Variants in COL20A1 observed in about 807,000 individuals in gnomAD.
COL20A1 encodes collagen type XX alpha 1 chain, also known as collagen alpha-1(XX) chain.
COL20A1 carries 164 observed loss-of-function variants against 152.9 expected under a neutral mutation model. The observed-to-expected ratio is 1.07, with a 90% CI of 0.94 to 1.22. COL20A1 has a LOEUF of 1.22. Ranked by LOEUF, COL20A1 falls within the 50% of genes most tolerant of loss-of-function variation. The probability of loss-of-function intolerance (pLI) is 0.00; values close to 1 mark genes in which losing one functional copy is unlikely to be tolerated. For synonymous variants in COL20A1, 864 were observed against 756.0 expected, an observed-to-expected ratio of 1.14 and a Z score of -2.34; for missense variants, 1,873 against 1,744.8, an observed-to-expected ratio of 1.07 and a Z score of -1.31.
At chr20:63,317,465 T>TAAAAA (rs78678381) in intron 21 of COL20A1, among the ~76,000 whole-genome samples, 2 of 114,576 alleles carry the variant, frequency 1.7e-5, no homozygotes, top group African/African-American at 3.3e-5. Context: ...CTCCGTCCCT[T>TAAAAA]AAAAAAAAAA....
Position 63,331,724 on chromosome 20 carries a change from C to T in COL20A1, c.*1008C>T, listed in dbSNP as rs1403060470. On this transcript the variant is annotated 3_prime_UTR_variant, in exon 36 of 36. Coordinates refer to ENST00000358894, the MANE Select transcript of COL20A1 (RefSeq NM_020882.4). Reference sequence around the variant, plus strand: ...AACTAGTCCACTGTTACCACTTAGGCAGCTAAGCAAGAAAGGTGCCAGAAA... The same window carrying T: ...AACTAGTCCACTGTTACCACTTAGGTAGCTAAGCAAGAAAGGTGCCAGAAA... The T allele has an allele frequency of 6.6e-6, 1 of 152,184 alleles. No homozygotes were observed. Among genetic ancestry groups the T allele is most frequent in the African/African-American group, 2.4e-5 (1 of 41,418 alleles). 9.4% of individuals were successfully genotyped at this position (152,184 alleles called of 1,614,324 possible).
intron 9 of COL20A1, 96 bp from the exon 10 acceptor site, chr20:63,309,662 G>A: frequency 7.6e-7 from 1 of 1,315,922 alleles, no homozygotes; most frequent in Non-Finnish European, 1.0e-6. Flanking sequence ...CTGGGGAGCA[G>A]CTTTCCTGTC....
intron 27 of COL20A1, among the ~76,000 whole-genome samples, chr20:63,323,613 C>T (rs2068201197): frequency 1.3e-5 from 2 of 152,206 alleles, no homozygotes; most frequent in Non-Finnish European, 2.9e-5. Flanking sequence ...CATTACACAG[C>T]CAGCCCCTTG....
At chr20:63,326,950 T>C in intron 31 of COL20A1, 127 bp downstream of exon 31, 1 of 595,514 alleles carries the variant, frequency 1.7e-6, no homozygotes, top group Non-Finnish European at 2.8e-6. Flanking sequence ...ACCTAGGGAC[T>C]TCCTGTTGAC....
In COL20A1 at chr20:63,309,749, C is replaced by A; in HGVS notation, c.1106-9C>A. 3 of 1,559,630 alleles carry A rather than the reference C, an allele frequency of 1.9e-6. No individual in the cohort carries two copies. The highest frequency in any genetic ancestry group is 1.9e-5 in the Admixed American group (1 of 52,898). On this transcript the variant is annotated splice_polypyrimidine_tract_variant and intron_variant, in intron 9 of 35. Coordinates refer to ENST00000358894, the MANE Select transcript of COL20A1 (RefSeq NM_020882.4). ...GACCACCTGCCCCCCACTCCCGCTA[C>A]TCCAGCAGCAGCGGCTCCAGCCCTG...
At chr20:63,327,724 GC>G (rs2068272534) in intron 31 of COL20A1, 1 of 587,124 alleles carries the variant, frequency 1.7e-6, no homozygotes, top group South Asian at 2.0e-5. Flanking sequence ...ACAAGTTCCA[GC>G]CCCACTCAGG....
rs2068129166 is a variant in COL20A1, at chr20:63,319,486, G to A, written c.2807-1G>A. ...CACCTGCTCCACCCCTTCCCTGGCA[G>A]CCGGGAAGAAGTCCCTGACCTACTT... On this transcript the variant is annotated splice_acceptor_variant, in intron 22 of 35. Coordinates refer to ENST00000358894, the MANE Select transcript of COL20A1 (RefSeq NM_020882.4). LOFTEE classifies it high-confidence loss of function. The surrounding 1 kb of genome is among the most constrained non-coding windows in gnomAD (Gnocchi z 4.4). 5.1e-6 allele frequency: 8 copies of A among 1,566,542 alleles called. No homozygotes were observed. The highest frequency in any genetic ancestry group is 1.4e-5 in the African/African-American group (1 of 73,496).
rs759747884 is a variant in COL20A1, at chr20:63,307,512, GC to G, written c.525del (p.Val176CysfsTer43). ...TPAGPQFRCL[P>X]PVPADMVFLV... is the part of the protein sequence containing the mutation. ...CAGCCGGCCCCCAGTTCCGCTGCCT[GC>G]CCCCCGTGCCTGCTGACATGGTCTT... On this transcript the variant is annotated frameshift_variant, in exon 6 of 36. Coordinates refer to ENST00000358894, the MANE Select transcript of COL20A1 (RefSeq NM_020882.4). LOFTEE classifies it high-confidence loss of function. 2 of 1,612,100 alleles carry G rather than the reference GC, an allele frequency of 1.2e-6. No homozygotes were observed. Among genetic ancestry groups the G allele is most frequent in the East Asian group, 2.2e-5 (1 of 44,878 alleles).
chr20:63,315,135 A>G (rs1438779165), intron 19 of COL20A1, among the ~76,000 whole-genome samples: 1 of 152,224 alleles, frequency 6.6e-6, no homozygotes, highest in Non-Finnish European at 1.5e-5. Flanking sequence ...GATGCCTGGT[A>G]CGACCCGGGG....
Position 63,306,173 on chromosome 20 carries a change from C to T in COL20A1, c.496+134C>T, listed in dbSNP as rs2067923608. On this transcript the variant is annotated intron_variant, in intron 5 of 35. Coordinates refer to ENST00000358894, the MANE Select transcript of COL20A1 (RefSeq NM_020882.4). This position sits in a 1 kb window ranked among gnomAD's most constrained non-coding sequence, Gnocchi z 6.9. ...TCTCTGACCACGAGGCCAGGAAGTT[C>T]TTCCTCGTGTCTGACCACACGGTCT... 2 of 733,148 alleles carry T rather than the reference C, an allele frequency of 2.7e-6. No individual in the cohort carries two copies. The highest frequency in any genetic ancestry group is 4.3e-6 in the Non-Finnish European group (2 of 459,964). The allele number at this position is 733,148 out of a possible 1,614,324, so 45.4% of individuals were successfully genotyped here. A position where few individuals can be genotyped will look rare whatever the true frequency, so the allele number is the denominator to read the frequency against.
chr20:63,316,489 C>G, intron 20 of COL20A1, 64 bp from the exon 21 acceptor site: 1 of 1,471,184 alleles, frequency 6.8e-7, no homozygotes, highest in South Asian at 1.3e-5. Context: ...GCTCCTGCCC[C>G]TTCCTCCCTC....
rs776788181 is a variant in COL20A1, at chr20:63,309,792, C to T, written c.1140C>T (p.Pro380=). 6.2e-7 allele frequency: 1 copy of T among 1,603,404 alleles called. No homozygotes were observed. Among genetic ancestry groups the T allele is most frequent in the Admixed American group, 1.7e-5 (1 of 59,076 alleles). Residue 380 remains proline, a synonymous_variant, in exon 10 of 36, where the codon CCC becomes CCT. Coordinates refer to ENST00000358894, the MANE Select transcript of COL20A1 (RefSeq NM_020882.4). ...CAGCCCTGGACACCCTCCCTGCCCC[C>T]ACCAGCCTGGTCCTGAGCCAGGTGA... The part of the protein sequence containing the change: ...AAPALDTLPA[P]TSLVLSQVTS...
At chr20:63,325,980 C>T (rs2068241049) in intron 29 of COL20A1, 116 bp from the exon 30 acceptor site, 1 of 961,348 alleles carries the variant, frequency 1.0e-6, no homozygotes. Flanking sequence ...CCTCAGCTGC[C>T]TCACCTTTGC....
rs375626190 is a variant in COL20A1, at chr20:63,306,053, G to T, written c.496+14G>T. Reference sequence around the variant, plus strand: ...CGCGCACTCCTGGTGGGTCAGAGTGGAGAGAGAGTAAGTCTCCGGGGAGGG... The same window carrying T: ...CGCGCACTCCTGGTGGGTCAGAGTGTAGAGAGAGTAAGTCTCCGGGGAGGG... On this transcript the variant is annotated intron_variant, in intron 5 of 35. Transcript: ENST00000358894. The surrounding 1 kb of genome is among the most constrained non-coding windows in gnomAD (Gnocchi z 6.9). 6.3e-7 allele frequency: 1 copy of T among 1,585,358 alleles called. No homozygotes were observed. Among genetic ancestry groups the T allele is most frequent in the Non-Finnish European group, 8.6e-7 (1 of 1,168,098 alleles).
intron 31 of COL20A1, chr20:63,327,327 G>T: frequency 5.8e-6 from 1 of 172,168 alleles, no homozygotes; most frequent in Non-Finnish European, 1.2e-5. Flanking sequence ...TTCTGAGCTG[G>T]GAGCTTGGTG....
chr20:63,315,393 C>T lies in COL20A1; in HGVS notation c.2489-11C>T, dbSNP rs1226750066. The T allele has an allele frequency of 6.4e-7, 1 of 1,573,240 alleles. No individual in the cohort carries two copies. Among genetic ancestry groups the T allele is most frequent in the Non-Finnish European group, 8.6e-7 (1 of 1,163,748 alleles). On this transcript the variant is annotated splice_polypyrimidine_tract_variant and intron_variant, in intron 19 of 35. Transcript: ENST00000358894. Reference sequence around the variant, plus strand: ...GCTCCCACTCACACTGACCCTGTCTCCTCTCAGCAGCCTGCCCAGCCCTCC... The same window carrying T: ...GCTCCCACTCACACTGACCCTGTCTTCTCTCAGCAGCCTGCCCAGCCCTCC...
Position 63,319,163 on chromosome 20 carries a change from C to T in COL20A1, c.2769C>T (p.Ala923=), listed in dbSNP as rs1157333607. 6.2e-6 allele frequency: 10 copies of T among 1,612,784 alleles called. No individual in the cohort carries two copies. The highest frequency in any genetic ancestry group is 1.6e-4 in the Middle Eastern group (1 of 6,080). Residue 923 remains alanine (A), a synonymous_variant, in exon 22 of 36, where the codon GCC becomes GCT. Coordinates refer to ENST00000358894, the MANE Select transcript of COL20A1 (RefSeq NM_020882.4). This position sits in a 1 kb window ranked among gnomAD's most constrained non-coding sequence, Gnocchi z 4.4. ...REAFALWQMT[A]EDFQPLLGVL... ...CCTTCGCGCTGTGGCAGATGACAGCCGAGGACTTCCAGCCCCTCCTTGGGG... is the reference window on the plus strand; with the variant it reads ...CCTTCGCGCTGTGGCAGATGACAGCTGAGGACTTCCAGCCCCTCCTTGGGG...
At chr20:63,324,744 A>G (rs918920226) in intron 27 of COL20A1, 5 of 153,594 alleles carry the variant, frequency 3.3e-5, no homozygotes, top group African/African-American at 1.2e-4. Context: ...TAAGACTGTC[A>G]CAGTTTTCTT....
chr20:63,295,439 T>TATTCC (rs1601397903), intron 2 of COL20A1, among the ~76,000 whole-genome samples: 1 of 152,222 alleles, frequency 6.6e-6, no homozygotes, highest in Admixed American at 6.5e-5. Context: ...GGCCGAGAGT[T>TATTCC]ATTCCACGAA....
Sources: gnomAD v4.1 joint callset for allele counts (sites outside exome capture counted in the v4.1 genomes callset) on GRCh38, gnomAD v4.1.1 for gene constraint, Gnocchi (gnomAD v3.1) non-coding constraint, MANE v1.5 for transcripts, NCBI Gene and HGNC (gene_info 2026-07-23, HGNC 2026-07-21) for gene names.